PSMD1: variants seen among roughly 807,000 people sequenced by gnomAD.
The protein encoded by PSMD1 is 26S proteasome non-ATPase regulatory subunit 1.
Under a neutral mutation model 119.0 loss-of-function variants are expected in PSMD1, and 18 were observed. The ratio of observed to expected loss-of-function variants is 0.15; its 90% CI spans 0.10 to 0.22. The LOEUF is 0.22. Ranked by LOEUF, PSMD1 falls within the 10% of genes least tolerant of loss-of-function variation. PSMD1 has a pLI of 1.00. For missense variants in PSMD1, 702 were observed against 1,158.5 expected (o/e 0.61, Z 5.72); for synonymous variants, 374 against 396.6 (o/e 0.94, Z 0.68).
intron 16 of PSMD1, among the ~76,000 whole-genome samples, chr2:231,119,713 A>G (rs1695464897): frequency 6.6e-6 from 1 of 151,834 alleles, no homozygotes; most frequent in African/African-American, 2.4e-5. Flanking sequence ...TCTACTAAAA[A>G]TACAAAACTT....
At position 231,156,047 on chromosome 2, in the gene PSMD1, T is replaced by G. The variant is rs574834511; in HGVS notation, c.2218+2381T>G. On this transcript the variant is annotated intron_variant, in intron 19 of 24. Transcript: ENST00000308696. ...TTTACATTGTCTTCAGAAATCATAA[T>G]TCTTACAATTGTACGGTCTTAGTTT... Among the ~76,000 whole-genome samples the G allele has an allele frequency of 5.3e-5, 8 of 152,286 alleles. No individual in the cohort carries two copies. The South Asian group carries it at 1.5e-3, about 28-fold the overall frequency.
chr2:231,108,883 C>T (rs1319258001), intron 16 of PSMD1: 1 of 1,614,066 alleles, frequency 6.2e-7, no homozygotes, highest in East Asian at 2.2e-5. Context: ...TCTCCAGGAG[C>T]ATTTGGAGAG....
Position 231,129,856 on chromosome 2 carries a change from CTGTT to C in PSMD1, c.1884-8870_1884-8867del, listed in dbSNP as rs375089857. Among the ~76,000 whole-genome samples, 249 of 152,236 alleles carry C rather than the reference CTGTT, an allele frequency of 1.6e-3. 1 individual carries two copies. The highest frequency in any genetic ancestry group is 3.3e-3 in the African/African-American group (136 of 41,544). On this transcript the variant is annotated intron_variant, in intron 16 of 24. Transcript: ENST00000308696. ...TTTTTGTTTTTTACCTGTAATGGCA[CTGTT>C]TGTTTGTTTTCGAGACGGAGTCTCA...
At chr2:231,151,838 G>A (rs962000031) in intron 18 of PSMD1, among the ~76,000 whole-genome samples, 3 of 114,210 alleles carry the variant, frequency 2.6e-5, no homozygotes, top group Non-Finnish European at 5.0e-5. Context: ...TTGAGATGGA[G>A]TTTTGCTCTT....
chr2:231,131,361 T>G (rs1254676485), intron 16 of PSMD1, among the ~76,000 whole-genome samples: 1 of 152,258 alleles, frequency 6.6e-6, no homozygotes, highest in Non-Finnish European at 1.5e-5. Flanking sequence ...ATTTATTAAC[T>G]GTTCCTTTAA....
intron 16 of PSMD1, among the ~76,000 whole-genome samples, chr2:231,127,707 T>C (rs570316926): frequency 1.1e-4 from 17 of 152,352 alleles, no homozygotes; most frequent in African/African-American, 3.8e-4. Context: ...TGATGACTTC[T>C]GTGTACTTAA....
intron 15 of PSMD1, among the ~76,000 whole-genome samples, chr2:231,086,546 A>G (rs1054266215): frequency 1.3e-5 from 2 of 152,188 alleles, no homozygotes; most frequent in African/African-American, 4.8e-5. Flanking sequence ...AGTCCCAGCT[A>G]CTTGGGAGCC....
chr2:231,120,750 C>A (rs929442698), intron 16 of PSMD1, among the ~76,000 whole-genome samples: 3 of 152,140 alleles, frequency 2.0e-5, no homozygotes, highest in Non-Finnish European at 4.4e-5. Flanking sequence ...TTGAATTCCC[C>A]TGCGATAGCT....
At chr2:231,138,699 A>T (rs1696030898) in intron 16 of PSMD1, 37 bp from the exon 17 acceptor site, 3 of 1,455,802 alleles carry the variant, frequency 2.1e-6, no homozygotes, top group Non-Finnish European at 2.9e-6. Flanking sequence ...AAAATAGATT[A>T]CCTATAACAG....
chr2:231,081,144 T>TAA lies in PSMD1; in HGVS notation c.1413+851_1413+852dup, dbSNP rs368987456. On this transcript the variant is annotated intron_variant, in intron 12 of 24. Coordinates refer to ENST00000308696, the MANE Select transcript of PSMD1 (RefSeq NM_002807.4). ...TGGGCGACAAGACAGAAACTCTGTCTAAAAAAAAAAAAAAAAAAAAAAGAT... is the reference window on the plus strand; with the variant it reads ...TGGGCGACAAGACAGAAACTCTGTCTAAAAAAAAAAAAAAAAAAAAAAAAGAT... Among the ~76,000 whole-genome samples the TAA allele has an allele frequency of 1.6e-3, 119 of 73,974 alleles. 1 individual carries two copies. The highest frequency in any genetic ancestry group is 2.4e-3 in the Non-Finnish European group (87 of 37,000). The allele number at this position is 73,974 out of a possible 152,430, so 48.5% of individuals were successfully genotyped here. A position where few individuals can be genotyped will look rare whatever the true frequency, so the allele number is the denominator to read the frequency against.
rs200827781 is a variant in PSMD1 at position 231,087,147 on chromosome 2, G to A, written c.1849G>A (p.Ala617Thr). The A allele has an allele frequency of 8.7e-6, 14 of 1,613,482 alleles. No individual in the cohort carries two copies. The highest frequency in any genetic ancestry group is 1.1e-5 in the Non-Finnish European group (13 of 1,179,774). ...TGATGTTAATGATGATGTCAGGAGG[G>A]CAGCAGTAGAATCACTTGGGTTCAT... Reference protein sequence around the residue: ...VSDVNDDVRRAAVESLGFILF... With the variant: ...VSDVNDDVRRTAVESLGFILF... Residue 617 changes from alanine to threonine, a missense_variant, in exon 16 of 25, where the codon GCA becomes ACA. Ala to Thr is a moderately conservative substitution (Grantham distance 58, BLOSUM62 0). Coordinates refer to ENST00000308696, the MANE Select transcript of PSMD1 (RefSeq NM_002807.4).
rs781723512 is a variant in PSMD1, at chr2:231,085,038, C to G, written c.1742C>G (p.Ser581Cys). ...TCTTAGGACCCAATTCTTCGAAGGT[C>G]TGGAATGTATACTGTAGCCATGGCT... ...CRDKDPILRR[S>C]GMYTVAMAYC... Residue 581 changes from serine (S) to cysteine (C), a missense_variant, in exon 15 of 25, where the codon TCT (serine) becomes TGT (cysteine). Ser to Cys is a moderately radical substitution (Grantham distance 112). Transcript: ENST00000308696. The G allele has an allele frequency of 3.7e-6, 6 of 1,613,540 alleles. No individual in the cohort carries two copies. Among genetic ancestry groups the G allele is most frequent in the South Asian group, 1.1e-5 (1 of 91,076 alleles).
chr2:231,085,084 C>T lies in PSMD1; in HGVS notation c.1788C>T (p.Asn596=), dbSNP rs1322842727. 6.2e-7 allele frequency: 1 copy of T among 1,613,974 alleles called. No homozygotes were observed. The highest frequency in any genetic ancestry group is 8.5e-7 in the Non-Finnish European group (1 of 1,179,900). Residue 596 remains asparagine (N), a synonymous_variant, in exon 15 of 25, where the codon AAC becomes AAT. Coordinates refer to ENST00000308696, the MANE Select transcript of PSMD1 (RefSeq NM_002807.4). ...VAMAYCGSGN[N]KAIRRLLHVA... is the part of the protein sequence containing the mutation. The stretch of plus-strand genomic sequence containing the variant: ...TGGCTTATTGTGGCTCTGGTAACAA[C>T]AAAGCAATTCGACGCCTGCTACATG...
intron 19 of PSMD1, among the ~76,000 whole-genome samples, chr2:231,158,172 G>T (rs575970570): frequency 6.6e-6 from 1 of 152,116 alleles, no homozygotes; most frequent in Admixed American, 6.5e-5. Flanking sequence ...TTAGCTGGGC[G>T]TGGTGGTGCA....
chr2:231,155,787 G>A (rs536543796), intron 19 of PSMD1, among the ~76,000 whole-genome samples: 1 of 151,626 alleles, frequency 6.6e-6, no homozygotes, highest in African/African-American at 2.4e-5. Context: ...TTAATATTGA[G>A]GCATAGTTTA....
chr2:231,166,629 T>C (rs1006609270), intron 23 of PSMD1, among the ~76,000 whole-genome samples: 2 of 152,186 alleles, frequency 1.3e-5, no homozygotes. Context: ...AAACAAATGC[T>C]TATCAGAAAT....
chr2:231,079,602 T>C lies in PSMD1; in HGVS notation c.1227T>C (p.Gly409=). ...AATTTACTGCTACAGCCAGTTTGGG[T>C]GTAATTCATAAGGTAATATATATTG... The part of the protein sequence containing the change: ...WAKFTATASL[G]VIHKGHEKEA... Residue 409 remains glycine (G), a synonymous_variant, in exon 11 of 25, where the codon GGT becomes GGC. Coordinates refer to ENST00000308696, the MANE Select transcript of PSMD1 (RefSeq NM_002807.4). The C allele has an allele frequency of 1.2e-6, 2 of 1,604,640 alleles. No individual in the cohort carries two copies. The highest frequency in any genetic ancestry group is 8.5e-7 in the Non-Finnish European group (1 of 1,174,218).
intron 4 of PSMD1, among the ~76,000 whole-genome samples, chr2:231,065,324 G>C (rs1351296288): frequency 2.0e-5 from 3 of 149,674 alleles, no homozygotes; most frequent in African/African-American, 7.4e-5. Context: ...AGACAGTCTC[G>C]CTCTGTCTCC....
intron 1 of PSMD1, among the ~76,000 whole-genome samples, chr2:231,060,061 CT>C (rs1460784309): frequency 6.6e-6 from 1 of 152,188 alleles, no homozygotes; most frequent in Non-Finnish European, 1.5e-5. Context: ...ATTAAGTGTT[CT>C]GTTATTTAAG....
Sources: gnomAD v4.1 joint callset for allele counts (sites outside exome capture counted in the v4.1 genomes callset) on GRCh38, gnomAD v4.1.1 for gene constraint, MANE v1.5 for transcripts, NCBI Gene and HGNC (gene_info 2026-07-23, HGNC 2026-07-21) for gene names.